Variants in ANKRD11 observed in about 807,000 individuals in gnomAD.
ANKRD11 encodes ankyrin repeat domain 11, also known as ankyrin repeat domain-containing protein 11.
In ANKRD11, 17 loss-of-function variants were observed where a neutral mutation model predicts 195.7. That is an observed-to-expected ratio of 0.09 (90% CI 0.06 to 0.13). ANKRD11 has a LOEUF of 0.13. ANKRD11 is among the 10% of genes least tolerant of loss of function. The pLI, the probability that ANKRD11 is intolerant of heterozygous loss-of-function variation, is 1.00. For missense variants in ANKRD11, 3,735 were observed against 3,566.1 expected (o/e 1.05, Z -1.21); for synonymous variants, 1,953 against 1,528.1 (o/e 1.28, Z -6.49).
In ANKRD11 at chr16:89,271,175, G is replaced by A. The variant is rs1027496915; in HGVS notation, c.7714-266C>T. 1.5e-5 allele frequency: 8 copies of A among 516,956 alleles called. No homozygotes were observed. In the East Asian group the frequency reaches 1.8e-4, roughly 11 times the overall value. The allele number at this position is 516,956 out of a possible 1,614,324, so 32.0% of individuals were successfully genotyped here. On this transcript the variant is annotated intron_variant, in intron 11 of 12. Coordinates refer to ENST00000301030, the MANE Select transcript of ANKRD11 (RefSeq NM_013275.6). ...TGCCCGCAGGCCCCACCTGTGAGCC[G>A]GTCCCCAGCCCTGCCCCCAGGGGAC...
intron 1 of ANKRD11, among the ~76,000 whole-genome samples, chr16:89,457,879 T>C (rs538359174): frequency 2.0e-5 from 3 of 152,162 alleles, no homozygotes; most frequent in African/African-American, 7.2e-5. Flanking sequence ...AACACACAAG[T>C]GTGGAGCTGA....
chr16:89,387,224 C>T (rs1208969832), intron 2 of ANKRD11, among the ~76,000 whole-genome samples: 1 of 149,446 alleles, frequency 6.7e-6, no homozygotes, highest in African/African-American at 2.5e-5. Flanking sequence ...TCTGGAGTGC[C>T]AAGTTAAAAA....
intron 1 of ANKRD11, among the ~76,000 whole-genome samples, chr16:89,461,527 A>C (rs1295572672): frequency 2.6e-5 from 4 of 152,066 alleles, no homozygotes; most frequent in Non-Finnish European, 4.4e-5. Context: ...TTTTTTGTAG[A>C]AACAGGGTAT....
chr16:89,283,068 G>A lies in ANKRD11; in HGVS notation c.3474C>T (p.Ala1158=). The A allele has an allele frequency of 1.2e-6, 2 of 1,613,886 alleles. No homozygotes were observed. The highest frequency in any genetic ancestry group is 1.3e-5 in the African/African-American group (1 of 74,992). The change falls in exon 9 of 13, where the codon GCC becomes GCT. Residue 1158 remains alanine (A), a synonymous_variant. Coordinates refer to ENST00000301030, the MANE Select transcript of ANKRD11 (RefSeq NM_013275.6). This position sits in a 1 kb window ranked among gnomAD's most constrained non-coding sequence, Gnocchi z 4.3. The part of the protein sequence containing the change: ...GLQEKEEGRE[A]YASDRHRKSS... The stretch of plus-strand genomic sequence containing the variant: ...ACTTCCTGTGTCTGTCGGAGGCATA[G>A]GCCTCCCGTCCTTCCTCCTTCTCCT...
chr16:89,439,405 T>TA (rs2043351131), intron 1 of ANKRD11, among the ~76,000 whole-genome samples: 2 of 152,158 alleles, frequency 1.3e-5, no homozygotes, highest in African/African-American at 4.8e-5. Flanking sequence ...AAACCCAGTG[T>TA]AAAGTCAAAA....
chr16:89,391,138 G>C (rs1057275741), intron 2 of ANKRD11, among the ~76,000 whole-genome samples: 1 of 150,500 alleles, frequency 6.6e-6, no homozygotes, highest in African/African-American at 2.4e-5. Context: ...TGAAGCAGGA[G>C]AATGGTGTGA....
In ANKRD11 at chr16:89,279,751, G is replaced by A. The variant is rs565435346; in HGVS notation, c.6791C>T (p.Pro2264Leu). Residue 2264 changes from proline to leucine, a missense_variant, in exon 9 of 13, where the codon CCC becomes CTC. Coordinates refer to ENST00000301030, the MANE Select transcript of ANKRD11 (RefSeq NM_013275.6). This position sits in a 1 kb window ranked among gnomAD's most constrained non-coding sequence, Gnocchi z 5.6. ...GDQGAEAEGP[P>L]AASLCAPDGP... ...GTCAGGGGCACAGAGGGACGCGGCG[G>A]GGGGGCCTTCAGCCTCAGCCCCCTG... 1.1e-4 allele frequency: 171 copies of A among 1,525,374 alleles called. No homozygotes were observed. The African/African-American group carries it at 1.9e-3, about 17-fold the overall frequency. The allele number at this position is 1,525,374 out of a possible 1,614,324, so 94.5% of individuals were successfully genotyped here.
chr16:89,303,732 G>C (rs1324105167), intron 4 of ANKRD11, among the ~76,000 whole-genome samples: 1 of 152,224 alleles, frequency 6.6e-6, no homozygotes, highest in Non-Finnish European at 1.5e-5. Flanking sequence ...CATAGGACAG[G>C]AGGGGCCACA....
chr16:89,375,109 C>T (rs932200104), intron 2 of ANKRD11, among the ~76,000 whole-genome samples: 3 of 152,076 alleles, frequency 2.0e-5, no homozygotes, highest in Non-Finnish European at 4.4e-5. Context: ...CAGGCTCAAG[C>T]AGAAGTGTAT....
intron 11 of ANKRD11, among the ~76,000 whole-genome samples, chr16:89,273,682 C>T (rs946662591): frequency 2.7e-5 from 4 of 150,568 alleles, no homozygotes; most frequent in Non-Finnish European, 4.4e-5. Context: ...GGCAACAGAG[C>T]GAGACTCCGT....
At chr16:89,460,778 A>G (rs375719861) in intron 1 of ANKRD11, among the ~76,000 whole-genome samples, 1 of 152,162 alleles carries the variant, frequency 6.6e-6, no homozygotes, top group African/African-American at 2.4e-5. Flanking sequence ...TGCAGGGGGT[A>G]GTCACAATTG....
At chr16:89,390,041 G>A (rs569190142) in intron 2 of ANKRD11, among the ~76,000 whole-genome samples, 1 of 80,540 alleles carries the variant, frequency 1.2e-5, no homozygotes, top group Non-Finnish European at 2.3e-5. Context: ...GGGGAGCACC[G>A]AGAGAAAGAA....
intron 2 of ANKRD11, among the ~76,000 whole-genome samples, chr16:89,336,142 A>C (rs1339457607): frequency 6.6e-6 from 1 of 152,230 alleles, no homozygotes; most frequent in African/African-American, 2.4e-5. Flanking sequence ...TAATCCACAG[A>C]ACCCAGGCCT....
chr16:89,478,250 C>T (rs1286063639), intron 1 of ANKRD11, among the ~76,000 whole-genome samples: 1 of 152,148 alleles, frequency 6.6e-6, no homozygotes, highest in African/African-American at 2.4e-5. Flanking sequence ...TCAAGAACCC[C>T]ATTTTCACAT....
rs777920007 is a variant in ANKRD11 at position 89,283,962 on chromosome 16, C to T, written c.2580G>A (p.Ser860=). The part of the protein sequence containing the change: ...FDFKGEDSWD[S]PVTDYRDMKS... The stretch of plus-strand genomic sequence containing the variant: ...TCATGTCCCTGTAGTCTGTCACTGG[C>T]GAGTCCCAGCTGTCCTCCCCTTTGA... Residue 860 remains serine, a synonymous_variant, in exon 9 of 13, where the codon TCG becomes TCA. Transcript: ENST00000301030. This position sits in a 1 kb window ranked among gnomAD's most constrained non-coding sequence, Gnocchi z 4.3. 34 of 1,613,992 alleles carry T rather than the reference C, an allele frequency of 2.1e-5. No individual in the cohort carries two copies. The highest frequency in any genetic ancestry group is 2.7e-5 in the African/African-American group (2 of 74,898).
chr16:89,481,010 AAAAT>A (rs2057427185), intron 1 of ANKRD11, among the ~76,000 whole-genome samples: 1 of 152,192 alleles, frequency 6.6e-6, no homozygotes, highest in African/African-American at 2.4e-5. Flanking sequence ...CAGTAGGCAC[AAAAT>A]AAACAGCACC....
intron 2 of ANKRD11, among the ~76,000 whole-genome samples, chr16:89,407,054 C>T (rs955851620): frequency 2.0e-5 from 3 of 152,072 alleles, no homozygotes; most frequent in Non-Finnish European, 4.4e-5. Context: ...GACATGGTGG[C>T]AGGCATCTGT....
At chr16:89,333,839 C>T (rs1274009510) in intron 2 of ANKRD11, among the ~76,000 whole-genome samples, 1 of 152,100 alleles carries the variant, frequency 6.6e-6, no homozygotes, top group Non-Finnish European at 1.5e-5. Flanking sequence ...TGCACACCAT[C>T]ACAGAAAGGG....
chr16:89,429,110 ACG>A lies in ANKRD11; in HGVS notation c.-144-10744_-144-10743del, dbSNP rs1567792607. Among the ~76,000 whole-genome samples the A allele has an allele frequency of 7.4e-4, 111 of 150,274 alleles. 4 individuals are homozygous for A. Among genetic ancestry groups the A allele is most frequent in the East Asian group, 5.3e-3 (27 of 5,070 alleles). On this transcript the variant is annotated intron_variant, in intron 1 of 12. Coordinates refer to ENST00000301030, the MANE Select transcript of ANKRD11 (RefSeq NM_013275.6). Reference sequence around the variant, plus strand: ...TGGGATTCTCAACTCTCACGCTCAGACGTTCTAGTACACAGCAGGGACTCTCA... The same window carrying A: ...TGGGATTCTCAACTCTCACGCTCAGATTCTAGTACACAGCAGGGACTCTCA...
Sources: gnomAD v4.1 joint callset for allele counts (sites outside exome capture counted in the v4.1 genomes callset) on GRCh38, gnomAD v4.1.1 for gene constraint, Gnocchi (gnomAD v3.1) non-coding constraint, MANE v1.5 for transcripts, NCBI Gene and HGNC (gene_info 2026-07-23, HGNC 2026-07-21) for gene names.